Variants in ATRNL1 observed in about 807,000 individuals in gnomAD.
ATRNL1 encodes attractin like 1, also known as attractin-like protein 1.
ATRNL1 carries 95 observed loss-of-function variants against 182.7 expected under a neutral mutation model. The observed-to-expected ratio is 0.52, with a 90% CI of 0.44 to 0.62. The LOEUF is 0.62. ATRNL1 is among the 20% of genes least tolerant of loss of function. The pLI, the probability that ATRNL1 is intolerant of heterozygous loss-of-function variation, is 0.00. For missense variants in ATRNL1, 1,471 were observed against 1,679.5 expected, an observed-to-expected ratio of 0.88 and a Z score of 2.17; for synonymous variants, 576 against 568.3, an observed-to-expected ratio of 1.01 and a Z score of -0.19.
intron 9 of ATRNL1, among the ~76,000 whole-genome samples, chr10:115,232,596 G>C (rs781963357): frequency 3.9e-5 from 6 of 151,962 alleles, no homozygotes; most frequent in Non-Finnish European, 7.4e-5. Flanking sequence ...ATTTTGCTTT[G>C]TGTCTTGCTT....
At chr10:115,828,711 T>C (rs1950494039) in intron 27 of ATRNL1, among the ~76,000 whole-genome samples, 1 of 152,192 alleles carries the variant, frequency 6.6e-6, no homozygotes, top group African/African-American at 2.4e-5. Context: ...TTCAGTGGCC[T>C]AGGGGGAGTT....
rs566316972 is a variant in ATRNL1 at position 115,241,567 on chromosome 10, G to A, written c.1533-4G>A. On this transcript the variant is annotated splice_polypyrimidine_tract_variant and splice_region_variant and intron_variant, in intron 9 of 28. Coordinates refer to ENST00000355044, the MANE Select transcript of ATRNL1 (RefSeq NM_207303.4). The stretch of plus-strand genomic sequence containing the variant: ...GTAATACATTTTTAAATTTTATTCT[G>A]TAGGACTATTTTGAAAGAAAGTGGG... 184 of 1,587,740 alleles carry A rather than the reference G, an allele frequency of 1.2e-4. 3 individuals carry two copies. In the South Asian group the frequency reaches 2.0e-3, roughly 17 times the overall value.
intron 24 of ATRNL1, among the ~76,000 whole-genome samples, chr10:115,518,223 G>A (rs1461576353): frequency 1.3e-5 from 2 of 151,808 alleles, no homozygotes; most frequent in Non-Finnish European, 3.0e-5. Context: ...TCTCTGGCCA[G>A]TTGTCCAATG....
intron 26 of ATRNL1, among the ~76,000 whole-genome samples, chr10:115,711,983 T>C (rs7902827): frequency 0.38 from 57,324 of 152,032 alleles, 11,737 homozygotes; most frequent in East Asian, 0.65. Context: ...AAGTCTAAAA[T>C]TATTTTGCCT....
chr10:115,521,068 T>G (rs1850901249), intron 25 of ATRNL1, among the ~76,000 whole-genome samples: 1 of 152,158 alleles, frequency 6.6e-6, no homozygotes, highest in African/African-American at 2.4e-5. Flanking sequence ...ATTAACAAAG[T>G]TACAGTATGG....
Position 115,251,069 on chromosome 10 carries a change from T to C in ATRNL1, c.1687+9344T>C, listed in dbSNP as rs534038674. ...AACACATTTGCCGACTCCATGGCCATGTTAATCTTCTCTAATAAAGATATA... is the reference window on the plus strand; with the variant it reads ...AACACATTTGCCGACTCCATGGCCACGTTAATCTTCTCTAATAAAGATATA... On this transcript the variant is annotated intron_variant, in intron 10 of 28. Transcript: ENST00000355044. Among the ~76,000 whole-genome samples the C allele has an allele frequency of 2.6e-5, 4 of 152,336 alleles. No homozygotes were observed. The East Asian group carries it at 7.7e-4, about 29-fold the overall frequency.
At chr10:115,542,904 C>A (rs533379027) in intron 25 of ATRNL1, among the ~76,000 whole-genome samples, 7 of 152,184 alleles carry the variant, frequency 4.6e-5, no homozygotes, top group African/African-American at 1.7e-4. Context: ...GGAGAGTATG[C>A]AAGTTCTTTG....
chr10:115,503,291 A>G lies in ATRNL1; in HGVS notation c.3655-15972A>G, dbSNP rs556243406. ...TCTTTTAGGCCAGTTACCAAAGGGA[A>G]AAGAAAAGGCCTTTTGCACTGTACA... On this transcript the variant is annotated intron_variant, in intron 24 of 28. Transcript: ENST00000355044. Among the ~76,000 whole-genome samples the G allele has an allele frequency of 1.2e-4, 18 of 152,280 alleles. No individual in the cohort carries two copies. In the South Asian group the frequency reaches 3.5e-3, roughly 30 times the overall value.
chr10:115,419,254 A>G (rs1351840705), intron 20 of ATRNL1, among the ~76,000 whole-genome samples: 2 of 152,180 alleles, frequency 1.3e-5, no homozygotes, highest in Non-Finnish European at 2.9e-5. Context: ...TGTGAGTCTC[A>G]TGGTAATGAA....
chr10:115,653,787 C>G (rs1163741225), intron 26 of ATRNL1, among the ~76,000 whole-genome samples: 2 of 152,136 alleles, frequency 1.3e-5, no homozygotes, highest in Admixed American at 6.5e-5. Context: ...ATCTTTTTAT[C>G]TCCAAAACAA....
chr10:115,896,554 G>T (rs782262743), intron 28 of ATRNL1, among the ~76,000 whole-genome samples: 2 of 152,074 alleles, frequency 1.3e-5, no homozygotes, highest in Non-Finnish European at 1.5e-5. Context: ...ACAATGAAAA[G>T]TCTAATGGAG....
intron 25 of ATRNL1, among the ~76,000 whole-genome samples, chr10:115,544,902 T>C (rs1852559634): frequency 6.6e-6 from 1 of 152,192 alleles, no homozygotes; most frequent in Non-Finnish European, 1.5e-5. Context: ...GACAAATATT[T>C]ATTGTTTGCC....
intron 25 of ATRNL1, among the ~76,000 whole-genome samples, chr10:115,542,669 A>T (rs1554992375): frequency 6.6e-6 from 1 of 152,160 alleles, no homozygotes; most frequent in Non-Finnish European, 1.5e-5. Flanking sequence ...CTTCCTTTGG[A>T]CTTTGGGAAG....
chr10:115,882,968 A>T (rs114831853), intron 28 of ATRNL1, among the ~76,000 whole-genome samples: 6 of 152,158 alleles, frequency 3.9e-5, no homozygotes, highest in African/African-American at 1.4e-4. Flanking sequence ...ATCCTTGCCC[A>T]TGTTCTCTGC....
chr10:115,557,994 G>A (rs904209619), intron 26 of ATRNL1, among the ~76,000 whole-genome samples: 3 of 150,602 alleles, frequency 2.0e-5, no homozygotes, highest in Admixed American at 6.6e-5. Context: ...GCAGTGAGCC[G>A]AGATCCTGCC....
chr10:115,095,625 G>GA (rs1162946095), intron 1 of ATRNL1, among the ~76,000 whole-genome samples: 7 of 151,968 alleles, frequency 4.6e-5, no homozygotes, highest in African/African-American at 7.2e-5. Context: ...AAAAAATTAG[G>GA]AGAGATGCTG....
intron 5 of ATRNL1, among the ~76,000 whole-genome samples, chr10:115,146,850 A>G (rs1554879496): frequency 6.7e-6 from 1 of 149,064 alleles, no homozygotes; most frequent in East Asian, 2.0e-4. Flanking sequence ...TATATACACT[A>G]TATTTTCATT....
intron 26 of ATRNL1, among the ~76,000 whole-genome samples, chr10:115,573,128 G>C (rs1004166226): frequency 1.4e-4 from 22 of 152,280 alleles, no homozygotes; most frequent in African/African-American, 5.1e-4. Context: ...CAGGCATCTT[G>C]GAAGAATTGG....
chr10:115,186,340 C>A (rs1039951225), intron 8 of ATRNL1, among the ~76,000 whole-genome samples: 1 of 151,972 alleles, frequency 6.6e-6, no homozygotes, highest in African/African-American at 2.4e-5. Context: ...ACCAAATGAC[C>A]CAGCAATCAC....
Sources: allele counts gnomAD v4.1 joint callset (sites outside exome capture counted in the v4.1 genomes callset), GRCh38; gene constraint gnomAD v4.1.1; transcripts MANE v1.5; gene names NCBI Gene and HGNC (gene_info 2026-07-23, HGNC 2026-07-21).